Variants in NOL4 observed in about 807,000 individuals in gnomAD.
The protein encoded by NOL4 is cancer/testis antigen 125.
Under a neutral mutation model 75.9 loss-of-function variants are expected in NOL4, and 17 were observed. That is an observed-to-expected ratio of 0.22 (90% CI 0.15 to 0.34). The LOEUF (loss-of-function observed/expected upper bound fraction) is 0.34. Ranked by LOEUF, NOL4 falls within the 10% of genes least tolerant of loss-of-function variation. NOL4 has a pLI of 1.00. For missense variants in NOL4, 614 were observed against 793.5 expected (o/e 0.77, Z 2.72); for synonymous variants, 292 against 289.9 (o/e 1.01, Z -0.07).
Position 33,858,995 on chromosome 18 carries a change from A to T in NOL4, c.1724-5960T>A, listed in dbSNP as rs915427677. ...TACTGTTTAAACTTTTATTTTTTAAAATTTCTATTATGTTTCATCTGTCTT... is the reference window on the plus strand; with the variant it reads ...TACTGTTTAAACTTTTATTTTTTAATATTTCTATTATGTTTCATCTGTCTT... On this transcript the variant is annotated intron_variant, in intron 10 of 10. Transcript: ENST00000261592. 1.8e-4 allele frequency among the ~76,000 whole-genome samples: 27 copies of T among 151,922 alleles called. 1 individual carries two copies. Among genetic ancestry groups the T allele is most frequent in the Non-Finnish European group, 3.8e-4 (26 of 67,934 alleles).
At chr18:33,972,179 T>A (rs1351040499) in intron 6 of NOL4, among the ~76,000 whole-genome samples, 5 of 149,704 alleles carry the variant, frequency 3.3e-5, no homozygotes, top group African/African-American at 9.8e-5. Flanking sequence ...AAAAAAAAAA[T>A]TTAAACAAAA....
intron 5 of NOL4, among the ~76,000 whole-genome samples, chr18:34,048,810 A>T (rs937765026): frequency 2.6e-5 from 4 of 152,022 alleles, no homozygotes; most frequent in African/African-American, 9.7e-5. Context: ...CTACAGGGAG[A>T]TCACTGGTTA....
At chr18:33,968,776 A>C (rs1273323001) in intron 6 of NOL4, among the ~76,000 whole-genome samples, 1 of 152,088 alleles carries the variant, frequency 6.6e-6, no homozygotes. Flanking sequence ...CGGGAATCTA[A>C]TTTTTTAAAA....
intron 5 of NOL4, among the ~76,000 whole-genome samples, chr18:34,090,662 A>AG (rs1206133890): frequency 3.9e-5 from 6 of 151,932 alleles, no homozygotes; most frequent in African/African-American, 4.8e-5. Flanking sequence ...AGAAAAAAAA[A>AG]GGGGGGGAGG....
intron 5 of NOL4, among the ~76,000 whole-genome samples, chr18:34,028,402 A>G (rs2075459259): frequency 6.6e-6 from 1 of 152,224 alleles, no homozygotes. Flanking sequence ...ACAATGAATT[A>G]CATTGAATAT....
chr18:34,151,896 G>C (rs1490781572), intron 1 of NOL4, among the ~76,000 whole-genome samples: 1 of 151,758 alleles, frequency 6.6e-6, no homozygotes, highest in Non-Finnish European at 1.5e-5. Context: ...CTCTTTGGAG[G>C]AGTGAAAGCC....
intron 1 of NOL4, among the ~76,000 whole-genome samples, chr18:34,143,457 G>T (rs1452701941): frequency 6.6e-6 from 1 of 152,010 alleles, no homozygotes; most frequent in Non-Finnish European, 1.5e-5. Context: ...CTATGATATG[G>T]CAAATAAAAC....
At chr18:34,093,070 A>C (rs940968620) in intron 5 of NOL4, among the ~76,000 whole-genome samples, 3 of 152,212 alleles carry the variant, frequency 2.0e-5, no homozygotes, top group African/African-American at 7.2e-5. Flanking sequence ...TTTTACATAA[A>C]AGATAAACAT....
chr18:33,958,666 A>T (rs962656744), intron 6 of NOL4, among the ~76,000 whole-genome samples: 26 of 152,162 alleles, frequency 1.7e-4, no homozygotes, highest in African/African-American at 6.0e-4. Flanking sequence ...TCACTGCAGA[A>T]AGTTTTATTG....
intron 1 of NOL4, among the ~76,000 whole-genome samples, chr18:34,173,077 G>A (rs961558784): frequency 2.0e-5 from 3 of 151,908 alleles, no homozygotes; most frequent in Non-Finnish European, 4.4e-5. Context: ...ATAAAAAGAA[G>A]GAAATTCTGC....
chr18:34,149,230 G>A (rs1037408267), intron 1 of NOL4, among the ~76,000 whole-genome samples: 1 of 151,540 alleles, frequency 6.6e-6, no homozygotes, highest in Admixed American at 6.6e-5. Context: ...TGATTTTAAT[G>A]ATTAAAAATA....
chr18:33,927,145 GA>G, intron 9 of NOL4, among the ~76,000 whole-genome samples: 1 of 152,268 alleles, frequency 6.6e-6, no homozygotes, highest in East Asian at 1.9e-4. Flanking sequence ...CTGAGTGCCA[GA>G]GTGTACTACT....
At chr18:33,985,327 C>A (rs1051899708) in intron 6 of NOL4, among the ~76,000 whole-genome samples, 1 of 152,028 alleles carries the variant, frequency 6.6e-6, no homozygotes, top group African/African-American at 2.4e-5. Flanking sequence ...AGCACATATC[C>A]TCTGACCAAT....
rs116023599 is a variant in NOL4, at chr18:34,149,878, A to G, written c.265-19858T>C. ...ATAGTACGTAATCAGCAAATATTCA[A>G]TTGAAGTAGAATTTATACCTCTATA... On this transcript the variant is annotated intron_variant, in intron 1 of 10. Coordinates refer to ENST00000261592, the MANE Select transcript of NOL4 (RefSeq NM_003787.5). 5.0e-3 allele frequency among the ~76,000 whole-genome samples: 765 copies of G among 151,784 alleles called. 5 individuals are homozygous for G. The highest frequency in any genetic ancestry group is 0.017 in the African/African-American group (700 of 41,512).
chr18:34,220,489 G>A (rs2037218811), intron 1 of NOL4, among the ~76,000 whole-genome samples: 1 of 152,100 alleles, frequency 6.6e-6, no homozygotes, highest in Non-Finnish European at 1.5e-5. Flanking sequence ...TTGGAATTAA[G>A]AGAAAATATA....
chr18:34,190,735 CAT>C (rs2034851494), intron 1 of NOL4, among the ~76,000 whole-genome samples: 1 of 151,386 alleles, frequency 6.6e-6, no homozygotes, highest in African/African-American at 2.4e-5. Flanking sequence ...TAAATATACA[CAT>C]AAATATATTT....
chr18:33,875,616 C>T (rs1385995607), intron 10 of NOL4, among the ~76,000 whole-genome samples: 1 of 151,936 alleles, frequency 6.6e-6, no homozygotes, highest in African/African-American at 2.4e-5. Flanking sequence ...CCACAGAATC[C>T]CCAAGTTCAG....
intron 2 of NOL4, among the ~76,000 whole-genome samples, chr18:34,122,539 T>A (rs1224118015): frequency 6.6e-6 from 1 of 152,122 alleles, no homozygotes; most frequent in African/African-American, 2.4e-5. Flanking sequence ...TCTATAGTGT[T>A]TGAAGCAATT....
chr18:34,152,246 TA>T (rs1443895535), intron 1 of NOL4, among the ~76,000 whole-genome samples: 1 of 151,842 alleles, frequency 6.6e-6, no homozygotes, highest in Non-Finnish European at 1.5e-5. Context: ...TAAAGTCAGG[TA>T]AATTTCTAGG....
Sources: gnomAD v4.1 joint callset for allele counts (sites outside exome capture counted in the v4.1 genomes callset) on GRCh38, gnomAD v4.1.1 for gene constraint, MANE v1.5 for transcripts, NCBI Gene and HGNC (gene_info 2026-07-23, HGNC 2026-07-21) for gene names.